Variants in TMPRSS4 observed in about 807,000 individuals in gnomAD.
TMPRSS4 encodes transmembrane protease serine 4.
A neutral mutation model predicts 56.4 loss-of-function variants in TMPRSS4; 45 were observed. The observed-to-expected ratio is 0.80, with a 90% confidence interval of 0.63 to 1.02. The LOEUF (loss-of-function observed/expected upper bound fraction) is 1.02, where lower values mean the gene tolerates loss of function less well. Among genes scored for constraint, TMPRSS4 ranks in the 50% least tolerant of loss-of-function variants. The pLI is 0.00. For missense variants in TMPRSS4, 546 were observed against 556.7 expected (o/e 0.98, Z 0.19); for synonymous variants, 205 against 211.0 (o/e 0.97, Z 0.25).
rs934541660 is a variant in TMPRSS4 at position 118,120,061 on chromosome 11, G to C, written c.*2148G>C. On this transcript the variant is annotated 3_prime_UTR_variant, in exon 13 of 13. Coordinates refer to ENST00000437212, the MANE Select transcript of TMPRSS4 (RefSeq NM_019894.4). ...TTGTGCTTTCAGTCTCTGTGAACTG[G>C]ATTACTCTGGGTACCTCATTTAAGT... 49 of 152,144 alleles carry C rather than the reference G, an allele frequency of 3.2e-4. No individual in the cohort carries two copies. Among genetic ancestry groups the C allele is most frequent in the African/African-American group, 1.1e-3 (46 of 41,414 alleles). 9.4% of individuals were successfully genotyped at this position (152,144 alleles called of 1,614,324 possible).
At chr11:118,091,060 G>T (rs551477533) in intron 1 of TMPRSS4, among the ~76,000 whole-genome samples, 4 of 152,218 alleles carry the variant, frequency 2.6e-5, no homozygotes, top group African/African-American at 9.6e-5. Flanking sequence ...CAGTGGAAAA[G>T]AATGAATTGA....
At chr11:118,111,427 A>C (rs1184357997) in intron 7 of TMPRSS4, among the ~76,000 whole-genome samples, 1 of 152,178 alleles carries the variant, frequency 6.6e-6, no homozygotes, top group Non-Finnish European at 1.5e-5. Flanking sequence ...GTAATTCTGC[A>C]TCACTTGTGA....
At chr11:118,093,050 C>T (rs1946065750) in intron 1 of TMPRSS4, among the ~76,000 whole-genome samples, 1 of 152,180 alleles carries the variant, frequency 6.6e-6, no homozygotes, top group Non-Finnish European at 1.5e-5. Context: ...TATTCTGACT[C>T]GACCCCTGCA....
At position 118,103,220 on chromosome 11, in the gene TMPRSS4, G is replaced by A; in HGVS notation, c.277G>A (p.Val93Ile). The change falls in exon 4 of 13, where the codon GTC (valine) becomes ATC (isoleucine). Residue 93 changes from valine (V) to isoleucine (I), a missense_variant. Val to Ile is a conservative substitution (Grantham distance 29, BLOSUM62 3). Transcript: ENST00000437212. ...CPLGEDEEHC[V>I]KSFPEGPAVA... ...CTTGGGGGAGGACGAGGAGCACTGT[G>A]TCAAGAGCTTCCCCGAAGGGCCTGC... The A allele has an allele frequency of 6.2e-7, 1 of 1,614,162 alleles. No individual in the cohort carries two copies. The highest frequency in any genetic ancestry group is 8.5e-7 in the Non-Finnish European group (1 of 1,180,030).
intron 3 of TMPRSS4, 120 bp from the exon 4 acceptor site, chr11:118,102,979 CTG>C (rs1946792719): frequency 1.5e-6 from 2 of 1,356,902 alleles, no homozygotes; most frequent in African/African-American, 1.4e-5. Flanking sequence ...AGTAGCAAAA[CTG>C]AGCCTGGAAC....
chr11:118,107,185 G>T (rs1335660489), intron 5 of TMPRSS4: 3 of 152,224 alleles, frequency 2.0e-5, no homozygotes. Flanking sequence ...AGCAAGCATG[G>T]ATTAGCAGGG....
chr11:118,091,473 A>G (rs1438738740), intron 1 of TMPRSS4, among the ~76,000 whole-genome samples: 1 of 151,438 alleles, frequency 6.6e-6, no homozygotes, highest in African/African-American at 2.4e-5. Context: ...CCCCTCTCTG[A>G]TCTTTTCTGG....
intron 7 of TMPRSS4, among the ~76,000 whole-genome samples, chr11:118,109,188 C>T (rs777553883): frequency 1.9e-4 from 29 of 152,236 alleles, no homozygotes; most frequent in Admixed American, 3.3e-4. Context: ...AAGGGCAGGA[C>T]GGGGCCTCCA....
At chr11:118,104,114 T>C (rs1946867819) in intron 4 of TMPRSS4, among the ~76,000 whole-genome samples, 1 of 151,988 alleles carries the variant, frequency 6.6e-6, no homozygotes, top group Admixed American at 6.6e-5. Flanking sequence ...AAAAGATAGG[T>C]AGGAGATGAG....
At chr11:118,096,831 GAAA>G (rs1228549028) in intron 2 of TMPRSS4, among the ~76,000 whole-genome samples, 9 of 14,792 alleles carry the variant, frequency 6.1e-4, no homozygotes, top group African/African-American at 1.1e-3. Context: ...AAGAGAGAAA[GAAA>G]GAAGGAAAGA....
At chr11:118,115,639 G>C in intron 11 of TMPRSS4, 1 of 203,320 alleles carries the variant, frequency 4.9e-6, no homozygotes, top group East Asian at 1.1e-4. Context: ...GGCCAACATG[G>C]TGAAATCCCA....
chr11:118,085,539 A>AAGTG (rs1945481861), intron 1 of TMPRSS4, among the ~76,000 whole-genome samples: 1 of 152,202 alleles, frequency 6.6e-6, no homozygotes, highest in Non-Finnish European at 1.5e-5. Flanking sequence ...GGACAAGCAA[A>AAGTG]AGTGAGTACG....
intron 11 of TMPRSS4, among the ~76,000 whole-genome samples, chr11:118,116,154 A>G (rs1057287567): frequency 2.6e-5 from 4 of 152,100 alleles, no homozygotes; most frequent in African/African-American, 7.2e-5. Flanking sequence ...CAGGGTCACT[A>G]TGTTGCCCAG....
intron 9 of TMPRSS4, among the ~76,000 whole-genome samples, chr11:118,114,220 T>A (rs1947426969): frequency 6.6e-6 from 1 of 152,228 alleles, no homozygotes; most frequent in Non-Finnish European, 1.5e-5. Context: ...TGCCAGGCTC[T>A]CCTGAGCCCT....
intron 6 of TMPRSS4, 185 bp downstream of exon 6, chr11:118,108,060 T>C: frequency 3.5e-6 from 2 of 573,678 alleles, no homozygotes; most frequent in South Asian, 4.5e-5. Context: ...AGAGGTTTTC[T>C]GTGTTGACTT....
chr11:118,094,252 T>C (rs1425846818), intron 1 of TMPRSS4, among the ~76,000 whole-genome samples: 2 of 152,210 alleles, frequency 1.3e-5, no homozygotes, highest in Non-Finnish European at 2.9e-5. Flanking sequence ...CACTTTACAC[T>C]CCCACCAACA....
intron 1 of TMPRSS4, among the ~76,000 whole-genome samples, chr11:118,090,993 A>G (rs992807894): frequency 2.6e-5 from 4 of 152,296 alleles, no homozygotes; most frequent in East Asian, 1.9e-4. Context: ...AACAATAAAC[A>G]AAAGAAACTT....
intron 3 of TMPRSS4, among the ~76,000 whole-genome samples, chr11:118,102,147 C>T (rs899378564): frequency 1.3e-5 from 2 of 152,058 alleles, no homozygotes; most frequent in East Asian, 1.9e-4. Context: ...TTTCCTGATG[C>T]TCTCCCTCCT....
chr11:118,079,700 G>A (rs567332760), intron 1 of TMPRSS4, among the ~76,000 whole-genome samples: 5 of 152,026 alleles, frequency 3.3e-5, no homozygotes, highest in Middle Eastern at 3.4e-3. Flanking sequence ...CCTGTTTTCC[G>A]TGCCAGCCTG....
Sources: gnomAD v4.1 joint callset for allele counts (sites outside exome capture counted in the v4.1 genomes callset) on GRCh38, gnomAD v4.1.1 for gene constraint, MANE v1.5 for transcripts, NCBI Gene and HGNC (gene_info 2026-07-23, HGNC 2026-07-21) for gene names.